BTBD9: variants seen among roughly 807,000 people sequenced by gnomAD.
The protein encoded by BTBD9 is BTB domain containing 9.
BTBD9 carries 49 observed loss-of-function variants against 64.3 expected under a neutral mutation model. The ratio of observed to expected loss-of-function variants is 0.76; its 90% CI spans 0.61 to 0.97. The LOEUF is 0.97. BTBD9 is among the 50% of genes least tolerant of loss of function. The pLI, the probability that BTBD9 is intolerant of heterozygous loss-of-function variation, is 0.00. For synonymous variants in BTBD9, 260 were observed against 274.7 expected (o/e 0.95, Z 0.53); for missense variants, 598 against 762.1 (o/e 0.78, Z 2.53).
At chr6:38,218,802 T>C (rs1414106274) in intron 9 of BTBD9, among the ~76,000 whole-genome samples, 1 of 152,198 alleles carries the variant, frequency 6.6e-6, no homozygotes, top group Non-Finnish European at 1.5e-5. Context: ...TATTCTCAAA[T>C]CCCAACTGAT....
chr6:38,412,189 A>G (rs1191680797), intron 6 of BTBD9, among the ~76,000 whole-genome samples: 1 of 152,106 alleles, frequency 6.6e-6, no homozygotes, highest in Non-Finnish European at 1.5e-5. Context: ...CAAAAAACTG[A>G]GAAAAAATAT....
At chr6:38,228,169 C>A (rs1438472946) in intron 9 of BTBD9, among the ~76,000 whole-genome samples, 1 of 151,532 alleles carries the variant, frequency 6.6e-6, no homozygotes, top group Non-Finnish European at 1.5e-5. Flanking sequence ...TGAGACCAGC[C>A]TGGGCAAAAT....
intron 6 of BTBD9, among the ~76,000 whole-genome samples, chr6:38,492,655 T>C (rs1771755063): frequency 1.3e-5 from 2 of 152,322 alleles, no homozygotes; most frequent in South Asian, 4.1e-4. Flanking sequence ...AAGAGAACTA[T>C]TTTGTGTGTA....
intron 6 of BTBD9, among the ~76,000 whole-genome samples, chr6:38,434,036 C>A (rs1317773315): frequency 6.6e-6 from 1 of 151,954 alleles, no homozygotes; most frequent in Non-Finnish European, 1.5e-5. Flanking sequence ...TTTTACTTAA[C>A]ACTATATATT....
At chr6:38,585,506 C>T (rs959851523) in intron 4 of BTBD9, among the ~76,000 whole-genome samples, 3 of 152,088 alleles carry the variant, frequency 2.0e-5, no homozygotes, top group African/African-American at 7.2e-5. Flanking sequence ...GACTGCATCT[C>T]ACTATATTGC....
At chr6:38,334,630 A>ATAAC (rs1562039912) in intron 7 of BTBD9, among the ~76,000 whole-genome samples, 147 of 130,934 alleles carry the variant, frequency 1.1e-3, no homozygotes, top group African/African-American at 4.6e-3. Flanking sequence ...CATAACATAA[A>ATAAC]ATAAATAAAA....
At chr6:38,325,246 AC>A (rs1763377243) in intron 7 of BTBD9, among the ~76,000 whole-genome samples, 3 of 152,206 alleles carry the variant, frequency 2.0e-5, no homozygotes, top group South Asian at 4.1e-4. Flanking sequence ...AAATAAACAT[AC>A]TAGAGATGGT....
intron 4 of BTBD9, among the ~76,000 whole-genome samples, chr6:38,590,759 G>GT (rs2127489008): frequency 6.6e-6 from 1 of 152,320 alleles, no homozygotes; most frequent in East Asian, 1.9e-4. Context: ...AGACATCATA[G>GT]TGTGTCACAG....
At chr6:38,356,986 G>A (rs1562070452) in intron 6 of BTBD9, among the ~76,000 whole-genome samples, 1 of 152,144 alleles carries the variant, frequency 6.6e-6, no homozygotes, top group Non-Finnish European at 1.5e-5. Context: ...CTGAGAGGTA[G>A]GGTCTCAACA....
intron 7 of BTBD9, among the ~76,000 whole-genome samples, chr6:38,321,472 A>AG (rs1206716816): frequency 6.6e-6 from 1 of 152,294 alleles, no homozygotes; most frequent in Non-Finnish European, 1.5e-5. Context: ...AGAGAGGAAG[A>AG]GGGGGAGGGA....
intron 6 of BTBD9, among the ~76,000 whole-genome samples, chr6:38,518,274 A>G (rs1773129673): frequency 6.6e-6 from 1 of 152,210 alleles, no homozygotes; most frequent in South Asian, 2.1e-4. Context: ...TAATTGTATC[A>G]GTCCTAATTG....
intron 1 of BTBD9, among the ~76,000 whole-genome samples, chr6:38,626,770 T>C (rs1778183694): frequency 1.3e-5 from 2 of 152,156 alleles, no homozygotes; most frequent in African/African-American, 4.8e-5. Context: ...AAGGTGTGAG[T>C]GATTTTAGAA....
rs929318204 is a variant in BTBD9, at chr6:38,174,598, G to A, written c.*387C>T. 5.3e-5 allele frequency: 11 copies of A among 207,870 alleles called. No individual in the cohort carries two copies. Among genetic ancestry groups the A allele is most frequent in the Middle Eastern group, 1.7e-3 (1 of 584 alleles). 12.9% of individuals were successfully genotyped at this position (207,870 alleles called of 1,614,324 possible). A position where few individuals can be genotyped will look rare whatever the true frequency, so the allele number is the denominator to read the frequency against. On this transcript the variant is annotated 3_prime_UTR_variant, in exon 11 of 11. Coordinates refer to ENST00000481247, the MANE Select transcript of BTBD9 (RefSeq NM_001099272.2). ...GGCCCATTCCTAAAGGGTGCCTCCA[G>A]GTAGCAAAGGCCCAATGGCTTTCTC... is the stretch of plus-strand genomic sequence containing the variant.
rs577989537 is a variant in BTBD9 at position 38,602,065 on chromosome 6, A to G, written c.-27-3944T>C. Among the ~76,000 whole-genome samples the G allele has an allele frequency of 3.9e-5, 6 of 152,322 alleles. No homozygotes were observed. The South Asian group carries it at 1.2e-3, about 32-fold the overall frequency. On this transcript the variant is annotated intron_variant, in intron 1 of 10. Coordinates refer to ENST00000481247, the MANE Select transcript of BTBD9 (RefSeq NM_001099272.2). ...AGTTGTTTGGGGATAGAATGATCCA[A>G]TATTATAAAAAGATCCATATTTTCA...
At chr6:38,267,579 G>A (rs761878433) in intron 8 of BTBD9, among the ~76,000 whole-genome samples, 26 of 152,190 alleles carry the variant, frequency 1.7e-4, no homozygotes, top group Non-Finnish European at 3.4e-4. Context: ...CAGGGACCAC[G>A]CATGGCTAAT....
chr6:38,224,775 TCCA>T (rs1763334806), intron 9 of BTBD9, among the ~76,000 whole-genome samples: 1 of 152,248 alleles, frequency 6.6e-6, no homozygotes, highest in African/African-American at 2.4e-5. Context: ...ATCAGAGCTA[TCCA>T]AATATCACCC....
At chr6:38,476,576 G>A (rs1770890763) in intron 6 of BTBD9, among the ~76,000 whole-genome samples, 1 of 152,180 alleles carries the variant, frequency 6.6e-6, no homozygotes, top group Non-Finnish European at 1.5e-5. Flanking sequence ...GGCATTTCAT[G>A]TCATGTCGTC....
chr6:38,309,811 AT>A (rs1449535140), intron 7 of BTBD9, among the ~76,000 whole-genome samples: 2 of 151,282 alleles, frequency 1.3e-5, no homozygotes, highest in Non-Finnish European at 2.9e-5. Context: ...AAACATTAAT[AT>A]TTCTTTAAAA....
At chr6:38,195,647 G>A (rs553762453) in intron 9 of BTBD9, among the ~76,000 whole-genome samples, 36 of 152,110 alleles carry the variant, frequency 2.4e-4, no homozygotes, top group African/African-American at 5.3e-4. Flanking sequence ...TCACAGAAAC[G>A]CATCTAGAAT....
Sources: allele counts gnomAD v4.1 joint callset (sites outside exome capture counted in the v4.1 genomes callset), GRCh38; gene constraint gnomAD v4.1.1; transcripts MANE v1.5; gene names NCBI Gene and HGNC (gene_info 2026-07-23, HGNC 2026-07-21).